CHCHD6: variants seen among roughly 807,000 people sequenced by gnomAD.
CHCHD6 encodes MICOS complex subunit MIC25.
A neutral mutation model predicts 32.3 loss-of-function variants in CHCHD6; 28 were observed. The ratio of observed to expected loss-of-function variants is 0.87; its 90% CI spans 0.64 to 1.19. The LOEUF (loss-of-function observed/expected upper bound fraction) is 1.19. CHCHD6 is among the 50% of genes most tolerant of loss of function. CHCHD6 has a pLI of 0.00. For missense variants in CHCHD6, 333 were observed against 307.0 expected (o/e 1.08, Z -0.63); for synonymous variants, 122 against 117.5 (o/e 1.04, Z -0.25).
chr3:126,722,398 A>G (rs1443485887), intron 1 of CHCHD6, among the ~76,000 whole-genome samples: 3 of 152,184 alleles, frequency 2.0e-5, no homozygotes, highest in African/African-American at 7.2e-5. Context: ...CCTGGTCTCA[A>G]GTGATCCTTT....
chr3:126,748,253 T>C (rs1936585033), intron 4 of CHCHD6, among the ~76,000 whole-genome samples: 1 of 152,134 alleles, frequency 6.6e-6, no homozygotes, highest in Admixed American at 6.5e-5. Flanking sequence ...ACAGTGGTAG[T>C]CATAATCTTT....
chr3:126,759,537 G>A (rs1559827265), intron 4 of CHCHD6, among the ~76,000 whole-genome samples: 2 of 152,098 alleles, frequency 1.3e-5, no homozygotes, highest in Admixed American at 6.5e-5. Context: ...GCCTTATTTA[G>A]TCTTTTATGA....
chr3:126,752,643 T>C (rs796467526), intron 4 of CHCHD6, among the ~76,000 whole-genome samples: 1 of 152,176 alleles, frequency 6.6e-6, no homozygotes, highest in South Asian at 2.1e-4. Context: ...TTATCTGACC[T>C]CCCTTTGTTG....
intron 4 of CHCHD6, among the ~76,000 whole-genome samples, chr3:126,843,744 A>G (rs1322881453): frequency 6.6e-6 from 1 of 152,210 alleles, no homozygotes; most frequent in African/African-American, 2.4e-5. Context: ...AATTACATGT[A>G]TGCTAGACCA....
At chr3:126,846,673 C>T (rs1941306674) in intron 4 of CHCHD6, among the ~76,000 whole-genome samples, 1 of 152,208 alleles carries the variant, frequency 6.6e-6, no homozygotes, top group African/African-American at 2.4e-5. Context: ...TCTATATCTT[C>T]ACACGTGATA....
chr3:126,735,209 C>G (rs142177657), intron 4 of CHCHD6, among the ~76,000 whole-genome samples: 11 of 152,298 alleles, frequency 7.2e-5, no homozygotes, highest in African/African-American at 2.6e-4. Context: ...TCTGCTGTCT[C>G]TTCGTTCTCA....
chr3:126,921,050 G>A (rs1482099905), intron 6 of CHCHD6, among the ~76,000 whole-genome samples: 2 of 151,498 alleles, frequency 1.3e-5, no homozygotes, highest in Non-Finnish European at 2.9e-5. Flanking sequence ...CTTAGTTTTT[G>A]AGGAATGACT....
intron 5 of CHCHD6, among the ~76,000 whole-genome samples, chr3:126,896,811 G>A (rs1235797941): frequency 6.6e-6 from 1 of 152,234 alleles, no homozygotes; most frequent in East Asian, 1.9e-4. Flanking sequence ...TGCTGCTCCA[G>A]TCCAGCCAGC....
chr3:126,887,247 G>A (rs2077690900), intron 5 of CHCHD6, among the ~76,000 whole-genome samples: 1 of 151,794 alleles, frequency 6.6e-6, no homozygotes, highest in Non-Finnish European at 1.5e-5. Flanking sequence ...CTCTTGCTGA[G>A]CATCTTTTTT....
At chr3:126,807,172 C>T (rs990225331) in intron 4 of CHCHD6, among the ~76,000 whole-genome samples, 3 of 150,382 alleles carry the variant, frequency 2.0e-5, no homozygotes, top group Admixed American at 2.0e-4. Context: ...ACATTGTGCA[C>T]ATGTACCCTA....
chr3:126,798,059 T>C (rs1288480370), intron 4 of CHCHD6, among the ~76,000 whole-genome samples: 1 of 152,180 alleles, frequency 6.6e-6, no homozygotes, highest in Non-Finnish European at 1.5e-5. Context: ...AAAAAGTCTA[T>C]GACTTTTGCT....
At chr3:126,819,180 T>G (rs1413298846) in intron 4 of CHCHD6, among the ~76,000 whole-genome samples, 1 of 152,206 alleles carries the variant, frequency 6.6e-6, no homozygotes, top group Non-Finnish European at 1.5e-5. Context: ...TCTGGCTTTT[T>G]TTCCAGATTG....
chr3:126,891,128 G>A (rs76453411), intron 5 of CHCHD6, among the ~76,000 whole-genome samples: 8,689 of 152,254 alleles, frequency 0.057, 385 homozygotes, highest in Non-Finnish European at 0.084. Context: ...CAGGGAGACA[G>A]CCAGTAGACC....
intron 6 of CHCHD6, among the ~76,000 whole-genome samples, chr3:126,936,119 A>G (rs1401048657): frequency 6.6e-6 from 1 of 152,220 alleles, no homozygotes; most frequent in Non-Finnish European, 1.5e-5. Flanking sequence ...TGTGCTGTGA[A>G]ATTCCCACAA....
chr3:126,707,261 TAAA>T (rs74269416), intron 1 of CHCHD6, among the ~76,000 whole-genome samples: 4 of 135,412 alleles, frequency 3.0e-5, no homozygotes, highest in Non-Finnish European at 3.2e-5. Flanking sequence ...GACTCCGTCT[TAAA>T]AAAAAAAAAA....
chr3:126,779,159 A>G (rs1937796249), intron 4 of CHCHD6, among the ~76,000 whole-genome samples: 1 of 151,892 alleles, frequency 6.6e-6, no homozygotes. Flanking sequence ...ATTTTTCTTT[A>G]TTGCTGGTAC....
At chr3:126,722,100 A>G (rs922258853) in intron 1 of CHCHD6, among the ~76,000 whole-genome samples, 6 of 152,234 alleles carry the variant, frequency 3.9e-5, no homozygotes, top group African/African-American at 1.4e-4. Flanking sequence ...TGGAATTGCC[A>G]TATCAAGTGG....
At chr3:126,811,390 G>A (rs1939648240) in intron 4 of CHCHD6, among the ~76,000 whole-genome samples, 2 of 152,182 alleles carry the variant, frequency 1.3e-5, no homozygotes, top group South Asian at 4.1e-4. Context: ...TTCTAAGTGA[G>A]AAATCCAGGG....
intron 5 of CHCHD6, among the ~76,000 whole-genome samples, chr3:126,885,658 G>A (rs936776364): frequency 2.6e-5 from 4 of 152,184 alleles, no homozygotes; most frequent in Non-Finnish European, 5.9e-5. Context: ...TATATCTAAA[G>A]AACCATTACT....
Sources: gnomAD v4.1 joint callset for allele counts (sites outside exome capture counted in the v4.1 genomes callset) on GRCh38, gnomAD v4.1.1 for gene constraint, MANE v1.5 for transcripts, NCBI Gene and HGNC (gene_info 2026-07-23, HGNC 2026-07-21) for gene names.